Variants in RBMS1 observed in about 807,000 individuals in gnomAD.
The protein encoded by RBMS1 is RNA-binding motif, single-stranded-interacting protein 1.
In RBMS1, 17 loss-of-function variants were observed where a neutral mutation model predicts 62.3. The ratio of observed to expected loss-of-function variants is 0.27; its 90% CI spans 0.19 to 0.41. The LOEUF (loss-of-function observed/expected upper bound fraction) is 0.41, where lower values mean the gene tolerates loss of function less well. Among genes scored for constraint, RBMS1 ranks in the 10% least tolerant of loss-of-function variants. The pLI, the probability that RBMS1 is intolerant of heterozygous loss-of-function variation, is 1.00. For synonymous variants in RBMS1, 172 were observed against 170.0 expected (o/e 1.01, Z -0.09); for missense variants, 334 against 504.5 (o/e 0.66, Z 3.24).
intron 1 of RBMS1, chr2:160,367,605 C>G: frequency 1.3e-6 from 1 of 753,454 alleles, no homozygotes; most frequent in East Asian, 3.2e-5. Flanking sequence ...TAAAAGTTCT[C>G]TATGTGCACC....
chr2:160,488,771 A>G (rs1301429264), intron 1 of RBMS1, among the ~76,000 whole-genome samples: 1 of 152,150 alleles, frequency 6.6e-6, no homozygotes, highest in African/African-American at 2.4e-5. Context: ...AAACACTTCC[A>G]CTTGAGAGTA....
intron 1 of RBMS1, among the ~76,000 whole-genome samples, chr2:160,449,102 C>G (rs1396138522): frequency 6.6e-6 from 1 of 151,520 alleles, no homozygotes; most frequent in Non-Finnish European, 1.5e-5. Context: ...GCCCGGCAGC[C>G]GCCCCGTCTG....
chr2:160,476,096 G>A (rs1446659062), intron 1 of RBMS1, among the ~76,000 whole-genome samples: 1 of 152,014 alleles, frequency 6.6e-6, no homozygotes, highest in Non-Finnish European at 1.5e-5. Flanking sequence ...GGACTCAAGT[G>A]ATCCACCCAC....
intron 1 of RBMS1, among the ~76,000 whole-genome samples, chr2:160,401,279 G>A (rs1383104263): frequency 6.6e-6 from 1 of 152,182 alleles, no homozygotes; most frequent in Non-Finnish European, 1.5e-5. Flanking sequence ...ATAAAGTGGA[G>A]CCAACATAGA....
chr2:160,491,216 T>C (rs1299862112), intron 1 of RBMS1, among the ~76,000 whole-genome samples: 1 of 152,208 alleles, frequency 6.6e-6, no homozygotes, highest in Non-Finnish European at 1.5e-5. Context: ...AAGATACTTG[T>C]ACAACAGGGA....
At chr2:160,282,053 T>C (rs1371470190) in intron 9 of RBMS1, 1 of 360,858 alleles carries the variant, frequency 2.8e-6, no homozygotes, top group African/African-American at 2.1e-5. Flanking sequence ...AGAAAGCATG[T>C]GTAGTCTGCC....
intron 1 of RBMS1, among the ~76,000 whole-genome samples, chr2:160,385,849 G>A (rs555626653): frequency 6.6e-6 from 1 of 152,228 alleles, no homozygotes; most frequent in East Asian, 1.9e-4. Flanking sequence ...ACAAACCTGC[G>A]CTCACAAGAG....
chr2:160,364,742 C>T (rs770312876), intron 2 of RBMS1, among the ~76,000 whole-genome samples: 22 of 152,162 alleles, frequency 1.4e-4, no homozygotes, highest in Non-Finnish European at 2.6e-4. Context: ...ACTTCATGCA[C>T]TGTTTGTATG....
intron 1 of RBMS1, among the ~76,000 whole-genome samples, chr2:160,484,042 T>A (rs1055645350): frequency 6.6e-6 from 1 of 151,768 alleles, no homozygotes; most frequent in South Asian, 2.1e-4. Flanking sequence ...TCTCACTATG[T>A]TGCCCAGGCT....
intron 1 of RBMS1, among the ~76,000 whole-genome samples, chr2:160,383,166 G>A (rs1025572341): frequency 6.6e-6 from 1 of 152,204 alleles, no homozygotes; most frequent in Non-Finnish European, 1.5e-5. Flanking sequence ...TCTGCAATTA[G>A]GGTGTTAGCA....
At chr2:160,442,916 G>T (rs1327887006) in intron 1 of RBMS1, among the ~76,000 whole-genome samples, 1 of 152,110 alleles carries the variant, frequency 6.6e-6, no homozygotes, top group Admixed American at 6.5e-5. Flanking sequence ...AAATTAAAAT[G>T]ACCTTGAGGC....
chr2:160,273,028 C>A lies in RBMS1; in HGVS notation c.*1744G>T, dbSNP rs1301256643. The A allele has an allele frequency of 6.6e-6, 1 of 152,182 alleles. No homozygotes were observed. 9.4% of individuals were successfully genotyped at this position (152,182 alleles called of 1,614,324 possible). ...ATAGACTCTGAGGTAGATAACTGAT[C>A]ATACACAGCTGACCAGACAAGTACA... is the stretch of plus-strand genomic sequence containing the variant. On this transcript the variant is annotated 3_prime_UTR_variant, in exon 14 of 14. Transcript: ENST00000348849.
chr2:160,446,571 T>C (rs1271789583), intron 1 of RBMS1, among the ~76,000 whole-genome samples: 1 of 152,194 alleles, frequency 6.6e-6, no homozygotes, highest in Admixed American at 6.5e-5. Context: ...TTCACATCCA[T>C]GGACACATCA....
intron 1 of RBMS1, among the ~76,000 whole-genome samples, chr2:160,422,985 T>C (rs1696493074): frequency 6.6e-6 from 1 of 152,220 alleles, no homozygotes; most frequent in Non-Finnish European, 1.5e-5. Context: ...AGATCATTCA[T>C]TATTTACATG....
At chr2:160,347,755 A>C (rs1281866623) in intron 2 of RBMS1, among the ~76,000 whole-genome samples, 1 of 152,160 alleles carries the variant, frequency 6.6e-6, no homozygotes, top group African/African-American at 2.4e-5. Flanking sequence ...ATTATGATTC[A>C]TAACATTTTT....
chr2:160,277,328 A>T lies in RBMS1; in HGVS notation c.1118T>A (p.Met373Lys), dbSNP rs1032028831. The change falls in exon 12 of 14, where the codon ATG (methionine) becomes AAG (lysine). Residue 373 changes from methionine (M) to lysine (K), a missense_variant. Met to Lys is a moderately conservative substitution (Grantham distance 95, BLOSUM62 -1). Transcript: ENST00000348849. Reference sequence around the variant, plus strand: ...CTCAACAGGAACCGCTGTCGTCTGCATATGTGCATACTGTGGCAAGTAGGC... The same window carrying T: ...CTCAACAGGAACCGCTGTCGTCTGCTTATGTGCATACTGTGGCAAGTAGGC... ...QGAYLPQYAHMQTTAVPVEEA... is the reference protein window; with the variant it reads ...QGAYLPQYAHKQTTAVPVEEA... 1 of 1,613,284 alleles carries T rather than the reference A, an allele frequency of 6.2e-7. No individual in the cohort carries two copies.
intron 2 of RBMS1, among the ~76,000 whole-genome samples, chr2:160,341,449 G>A (rs540512786): frequency 6.6e-6 from 1 of 152,212 alleles, no homozygotes; most frequent in East Asian, 1.9e-4. Context: ...TGACACTGAA[G>A]CTGATTACTT....
In RBMS1 at chr2:160,311,315, C is replaced by T. The variant is rs191178799; in HGVS notation, c.402+1841G>A. Among the ~76,000 whole-genome samples, 912 of 147,750 alleles carry T rather than the reference C, an allele frequency of 6.2e-3. 16 individuals carry two copies. The highest frequency in any genetic ancestry group is 0.02 in the African/African-American group (796 of 40,430). On this transcript the variant is annotated intron_variant, in intron 4 of 13. Coordinates refer to ENST00000348849, the MANE Select transcript of RBMS1 (RefSeq NM_016836.4). ...TTAAGAAAATCTAAAGTAAGTCCAA[C>T]TCAATGCAAAGTTTTAAAAATATTA...
At chr2:160,436,339 C>T (rs1025991961) in intron 1 of RBMS1, among the ~76,000 whole-genome samples, 1 of 152,148 alleles carries the variant, frequency 6.6e-6, no homozygotes, top group Non-Finnish European at 1.5e-5. Flanking sequence ...GCCAAGCTCC[C>T]CGTGTAGAGA....
Sources: gnomAD v4.1 joint callset for allele counts (sites outside exome capture counted in the v4.1 genomes callset) on GRCh38, gnomAD v4.1.1 for gene constraint, MANE v1.5 for transcripts, NCBI Gene and HGNC (gene_info 2026-07-23, HGNC 2026-07-21) for gene names.